Variants in XRRA1 observed in about 807,000 individuals in gnomAD.
XRRA1 encodes the protein X-ray radiation resistance associated 1.
A neutral mutation model predicts 80.2 loss-of-function variants in XRRA1; 69 were observed. The observed-to-expected ratio is 0.86, with a 90% confidence interval of 0.71 to 1.05. The LOEUF (loss-of-function observed/expected upper bound fraction) is 1.05, where lower values mean the gene tolerates loss of function less well. XRRA1 is among the 50% of genes least tolerant of loss of function. XRRA1 has a pLI of 0.00. For missense variants in XRRA1, 967 were observed against 976.4 expected (o/e 0.99, Z 0.13); for synonymous variants, 348 against 389.9 (o/e 0.89, Z 1.27).
rs748191489 is a variant in XRRA1 at position 74,927,456 on chromosome 11, G to A, written c.457C>T (p.Leu153=). 3 of 1,613,468 alleles carry A rather than the reference G, an allele frequency of 1.9e-6. No individual in the cohort carries two copies. The highest frequency in any genetic ancestry group is 1.7e-6 in the Non-Finnish European group (2 of 1,179,380). Residue 153 remains leucine, a synonymous_variant, in exon 7 of 19, where the codon CTG becomes TTG. Coordinates refer to ENST00000684022, the MANE Select transcript of XRRA1 (RefSeq NM_001378157.1). ...TTGATGCCATTAAATGCGAGATCCA[G>A]TTCCTTTAGGGCTGGAAACGTGTGA... ...AFHTFPALKE[L]DLAFNGIKTI...
At chr11:74,943,524 G>GGTGT (rs67590742) in intron 2 of XRRA1, among the ~76,000 whole-genome samples, 3,423 of 137,804 alleles carry the variant, frequency 0.025, 102 homozygotes, top group African/African-American at 0.05. Flanking sequence ...AGAGTAGGAG[G>GGTGT]GTGTGTGTGT....
In XRRA1 at chr11:74,927,393, C is replaced by T. The variant is rs772145337; in HGVS notation, c.520G>A (p.Glu174Lys). Residue 174 changes from glutamate (E) to lysine (K), a missense_variant and splice_region_variant, in exon 7 of 19, where the codon GAA (glutamate) becomes AAA (lysine). Coordinates refer to ENST00000684022, the MANE Select transcript of XRRA1 (RefSeq NM_001378157.1). Reference protein sequence around the residue: ...YVKYGDFKLLEFLDLSFNSLT... With the variant: ...YVKYGDFKLLKFLDLSFNSLT... ...AAAACTCCCTACCTCCAACTTACTTCTAATAACTTAAAGTCTCCATATTTC... is the reference window on the plus strand; with the variant it reads ...AAAACTCCCTACCTCCAACTTACTTTTAATAACTTAAAGTCTCCATATTTC... 7 of 1,603,354 alleles carry T rather than the reference C, an allele frequency of 4.4e-6. No individual in the cohort carries two copies. In the East Asian group the frequency reaches 1.6e-4, roughly 36 times the overall value.
chr11:74,852,985 G>A (rs568644459), intron 12 of XRRA1, among the ~76,000 whole-genome samples: 146 of 152,310 alleles, frequency 9.6e-4, no homozygotes, highest in African/African-American at 3.2e-3. Flanking sequence ...TTACTGGATA[G>A]CACTAGATTT....
chr11:74,927,329 T>G, intron 7 of XRRA1, 62 bp downstream of exon 7: 2 of 776,030 alleles, frequency 2.6e-6, no homozygotes, highest in Non-Finnish European at 4.0e-6. Context: ...TCAGTAAAGC[T>G]CTATGCTCAT....
chr11:74,947,773 T>G (rs1223831580), intron 1 of XRRA1, among the ~76,000 whole-genome samples: 1 of 152,184 alleles, frequency 6.6e-6, no homozygotes, highest in Non-Finnish European at 1.5e-5. Context: ...GTGATAATTA[T>G]TTTCTTTTCT....
intron 2 of XRRA1, among the ~76,000 whole-genome samples, chr11:74,944,294 G>A (rs1399765889): frequency 2.0e-5 from 3 of 152,132 alleles, no homozygotes; most frequent in South Asian, 2.1e-4. Flanking sequence ...ATAGACATGT[G>A]AGCCAAGTGA....
chr11:74,893,617 T>G (rs769466558), intron 10 of XRRA1, among the ~76,000 whole-genome samples: 89 of 151,016 alleles, frequency 5.9e-4, no homozygotes, highest in Non-Finnish European at 7.8e-4. Flanking sequence ...ACATACATCC[T>G]GCCAATAAGC....
Position 74,874,614 on chromosome 11 carries a change from C to T in XRRA1, c.1004-11593G>A, listed in dbSNP as rs185712692. On this transcript the variant is annotated intron_variant, in intron 10 of 18. Transcript: ENST00000684022. Reference sequence around the variant, plus strand: ...TGTTTATACCCCACATAATGTAGCACGATTGCTGTCCTCTAAGGGATGCCC... The same window carrying T: ...TGTTTATACCCCACATAATGTAGCATGATTGCTGTCCTCTAAGGGATGCCC... Among the ~76,000 whole-genome samples, 6 of 152,330 alleles carry T rather than the reference C, an allele frequency of 3.9e-5. No individual in the cohort carries two copies. In the East Asian group the frequency reaches 5.8e-4, roughly 15 times the overall value.
chr11:74,843,911 G>T lies in XRRA1; in HGVS notation c.2092C>A (p.Leu698Met). The T allele has an allele frequency of 6.2e-7, 1 of 1,613,688 alleles. No individual in the cohort carries two copies. Among genetic ancestry groups the T allele is most frequent in the Non-Finnish European group, 8.5e-7 (1 of 1,179,764 alleles). ...CGCAAGCGAATGAAGATGTCATCCA[G>T]AAGTTGGGCTCTAGTCTTCTTTGGG... is the stretch of plus-strand genomic sequence containing the variant. ...PPPKKTRAQLLDDIFIRLRDP... is the reference protein window; with the variant it reads ...PPPKKTRAQLMDDIFIRLRDP... The change falls in exon 18 of 19, where the codon CTG becomes ATG. Residue 698 changes from leucine (L) to methionine (M), a missense_variant. Coordinates refer to ENST00000684022, the MANE Select transcript of XRRA1 (RefSeq NM_001378157.1).
chr11:74,935,190 T>C (rs1944650432), intron 4 of XRRA1, among the ~76,000 whole-genome samples: 2 of 152,154 alleles, frequency 1.3e-5, no homozygotes, highest in African/African-American at 2.4e-5. Flanking sequence ...TGAAAAGACA[T>C]TAGTCAGTAA....
chr11:74,841,599 G>A lies in XRRA1; in HGVS notation c.*1601C>T, dbSNP rs2036558376. ...CTCCTTAATGCCTTTTAAGTAAGGT[G>A]GCAACTTTTAACTGTCATCTTGTGA... is the stretch of plus-strand genomic sequence containing the variant. On this transcript the variant is annotated 3_prime_UTR_variant, in exon 19 of 19. Transcript: ENST00000684022. 6.6e-6 allele frequency: 1 copy of A among 152,090 alleles called. No individual in the cohort carries two copies. Among genetic ancestry groups the A allele is most frequent in the South Asian group, 2.1e-4 (1 of 4,828 alleles). The allele number at this position is 152,090 out of a possible 1,614,324, so 9.4% of individuals were successfully genotyped here.
At chr11:74,930,084 T>C (rs552234324) in intron 6 of XRRA1, among the ~76,000 whole-genome samples, 13 of 151,990 alleles carry the variant, frequency 8.6e-5, no homozygotes, top group Admixed American at 8.5e-4. Context: ...CATTGACAGA[T>C]AGAGAAGTAG....
At chr11:74,855,958 C>A (rs1315333265) in intron 12 of XRRA1, among the ~76,000 whole-genome samples, 1 of 151,940 alleles carries the variant, frequency 6.6e-6, no homozygotes, top group Admixed American at 6.6e-5. Flanking sequence ...TATGGTGAAA[C>A]CCTGTCTCTG....
chr11:74,844,155 G>T lies in XRRA1; in HGVS notation c.2043+13C>A. On this transcript the variant is annotated intron_variant, in intron 17 of 18. Transcript: ENST00000684022. ...CAGGGGCCATTTACACATTCAGTGAGCTGGATGTTTACCCGTTTCTCTTTG... is the reference window on the plus strand; with the variant it reads ...CAGGGGCCATTTACACATTCAGTGATCTGGATGTTTACCCGTTTCTCTTTG... 1 of 1,605,082 alleles carries T rather than the reference G, an allele frequency of 6.2e-7. No homozygotes were observed. The highest frequency in any genetic ancestry group is 8.5e-7 in the Non-Finnish European group (1 of 1,171,746).
chr11:74,930,636 T>C (rs1290397102), intron 5 of XRRA1, among the ~76,000 whole-genome samples: 1 of 152,230 alleles, frequency 6.6e-6, no homozygotes, highest in Admixed American at 6.5e-5. Context: ...AAGTATTTAA[T>C]ACAGCTGAAT....
intron 17 of XRRA1, 46 bp from the exon 18 acceptor site, chr11:74,844,005 A>C: frequency 1.3e-6 from 2 of 1,569,494 alleles, no homozygotes; most frequent in Non-Finnish European, 1.8e-6. Context: ...GTTTATGCAC[A>C]GACTTCCCTG....
intron 4 of XRRA1, among the ~76,000 whole-genome samples, chr11:74,935,971 C>T (rs1309625140): frequency 6.6e-6 from 1 of 152,092 alleles, no homozygotes; most frequent in Non-Finnish European, 1.5e-5. Context: ...AGAAGTGGAC[C>T]TAATAATGAA....
chr11:74,898,840 G>A (rs1248334714), intron 10 of XRRA1, among the ~76,000 whole-genome samples: 1 of 152,054 alleles, frequency 6.6e-6, no homozygotes, highest in African/African-American at 2.4e-5. Flanking sequence ...TTCAGCATTG[G>A]ACAGATCTCC....
intron 3 of XRRA1, among the ~76,000 whole-genome samples, chr11:74,940,174 G>A (rs932410939): frequency 4.6e-5 from 7 of 152,114 alleles, no homozygotes; most frequent in Admixed American, 2.0e-4. Flanking sequence ...CACCTATAGG[G>A]CTCTTATTAT....
Sources: allele counts gnomAD v4.1 joint callset (sites outside exome capture counted in the v4.1 genomes callset), GRCh38; gene constraint gnomAD v4.1.1; transcripts MANE v1.5; gene names NCBI Gene and HGNC (gene_info 2026-07-23, HGNC 2026-07-21).